Variants in TENM3 observed in about 807,000 individuals in gnomAD.
TENM3 encodes the protein teneurin transmembrane protein 3, also known as teneurin-3.
A neutral mutation model predicts 255.1 loss-of-function variants in TENM3; 63 were observed. The ratio of observed to expected loss-of-function variants is 0.25; its 90% CI spans 0.20 to 0.30. TENM3 has a LOEUF of 0.30. Among genes scored for constraint, TENM3 ranks in the 10% least tolerant of loss-of-function variants. The pLI is 1.00. For missense variants in TENM3, 2,929 were observed against 3,461.1 expected (o/e 0.85, Z 3.86); for synonymous variants, 1,306 against 1,322.3 (o/e 0.99, Z 0.27).
intron 6 of TENM3, among the ~76,000 whole-genome samples, chr4:182,658,466 C>G (rs894968345): frequency 2.0e-5 from 3 of 152,198 alleles, no homozygotes; most frequent in Non-Finnish European, 2.9e-5. Context: ...TGTCTCTCTT[C>G]AGCTCCAGAT....
chr4:181,957,931 C>A, the TENM3 span, among the ~76,000 whole-genome samples: 1 of 152,168 alleles, frequency 6.6e-6, no homozygotes, highest in African/African-American at 2.4e-5. Flanking sequence ...GGAATGCTTA[C>A]AAAATATGTT....
chr4:181,770,572 G>A, the TENM3 span, among the ~76,000 whole-genome samples: 1 of 151,612 alleles, frequency 6.6e-6, no homozygotes, highest in Non-Finnish European at 1.5e-5. Context: ...CTACTTGGGA[G>A]GCTGAGGTAG....
chr4:182,796,805 G>C (rs180947982), intron 27 of TENM3, 38 bp downstream of exon 27: 42 of 1,542,246 alleles, frequency 2.7e-5, no homozygotes, highest in Non-Finnish European at 3.5e-5. Context: ...GTGATAAGTA[G>C]CTTGTGTCTT....
chr4:182,444,971 C>G (rs1772795957), intron 3 of TENM3, among the ~76,000 whole-genome samples: 1 of 152,100 alleles, frequency 6.6e-6, no homozygotes, highest in South Asian at 2.1e-4. Context: ...ACACACCCGG[C>G]TAATTTTTTG....
At chr4:182,059,579 A>G in the TENM3 span, among the ~76,000 whole-genome samples, 2 of 152,066 alleles carry the variant, frequency 1.3e-5, no homozygotes, top group Non-Finnish European at 2.9e-5. Context: ...CTTGAAGACA[A>G]TATTCCCAAT....
the TENM3 span, among the ~76,000 whole-genome samples, chr4:182,135,262 G>A: frequency 3.4e-5 from 5 of 145,012 alleles, no homozygotes; most frequent in East Asian, 1.0e-3. Flanking sequence ...TTTTAGGCAA[G>A]AGGATAGCTT....
chr4:181,927,228 A>G, the TENM3 span, among the ~76,000 whole-genome samples: 1 of 152,226 alleles, frequency 6.6e-6, no homozygotes, highest in African/African-American at 2.4e-5. Flanking sequence ...CATGGAACCC[A>G]GCGGATCCCA....
chr4:181,572,147 A>G, the TENM3 span, among the ~76,000 whole-genome samples: 1 of 151,842 alleles, frequency 6.6e-6, no homozygotes, highest in Non-Finnish European at 1.5e-5. Context: ...AGAAACTTCT[A>G]TCAGTTTTAG....
At chr4:181,783,070 T>G in the TENM3 span, among the ~76,000 whole-genome samples, 1 of 152,204 alleles carries the variant, frequency 6.6e-6, no homozygotes, top group Non-Finnish European at 1.5e-5. Flanking sequence ...ATAAGTGCGA[T>G]GTGGTGCTGA....
At chr4:181,589,457 T>TTA in the TENM3 span, among the ~76,000 whole-genome samples, 1 of 152,178 alleles carries the variant, frequency 6.6e-6, no homozygotes, top group Non-Finnish European at 1.5e-5. Context: ...TAAGGAAGAT[T>TTA]TAAAACAATT....
the TENM3 span, among the ~76,000 whole-genome samples, chr4:182,101,308 A>AGGAAGGAAGGAGGGAGGGG: frequency 1.3e-5 from 1 of 74,738 alleles, no homozygotes; most frequent in Non-Finnish European, 3.0e-5. Context: ...GGAGGGAGGG[A>AGGAAGGAAGGAGGGAGGGG]AAGAAGGAAA....
At chr4:182,684,518 T>A (rs138973724) in intron 11 of TENM3, among the ~76,000 whole-genome samples, 1 of 151,788 alleles carries the variant, frequency 6.6e-6, no homozygotes, top group East Asian at 1.9e-4. Flanking sequence ...TCTGTGCCTC[T>A]GTTTCTTTAT....
chr4:182,622,936 G>GTA (rs1459100060), intron 4 of TENM3, among the ~76,000 whole-genome samples: 3 of 151,954 alleles, frequency 2.0e-5, no homozygotes, highest in Non-Finnish European at 2.9e-5. Context: ...TAGTCCATCA[G>GTA]TATAGTACGT....
At chr4:181,620,943 C>G in the TENM3 span, among the ~76,000 whole-genome samples, 2 of 152,124 alleles carry the variant, frequency 1.3e-5, no homozygotes, top group African/African-American at 4.8e-5. Context: ...GGATGGATGT[C>G]ATACCTGTAA....
At chr4:181,703,116 G>A in the TENM3 span, among the ~76,000 whole-genome samples, 1 of 152,202 alleles carries the variant, frequency 6.6e-6, no homozygotes, top group Non-Finnish European at 1.5e-5. Flanking sequence ...GCTGCTTTCA[G>A]ACCGAAGCAG....
chr4:182,063,792 A>G, the TENM3 span, among the ~76,000 whole-genome samples: 1 of 152,310 alleles, frequency 6.6e-6, no homozygotes, highest in East Asian at 1.9e-4. Flanking sequence ...TTAGAACTAT[A>G]AAAAGAAAAA....
At chr4:182,104,831 T>G in the TENM3 span, among the ~76,000 whole-genome samples, 2 of 152,050 alleles carry the variant, frequency 1.3e-5, no homozygotes, top group South Asian at 4.1e-4. Flanking sequence ...TAATTTTTTG[T>G]TGTTGTAGGT....
At chr4:182,463,315 C>T (rs1384066443) in intron 3 of TENM3, among the ~76,000 whole-genome samples, 1 of 151,996 alleles carries the variant, frequency 6.6e-6, no homozygotes, top group African/African-American at 2.4e-5. Flanking sequence ...TAAGATACCA[C>T]GTAATGAGAA....
rs564762577 is a variant in TENM3 at position 182,295,042 on chromosome 4, T to C, written c.-75-28904T>C. Among the ~76,000 whole-genome samples, 4 of 152,176 alleles carry C rather than the reference T, an allele frequency of 2.6e-5. No individual in the cohort carries two copies. In the East Asian group the frequency reaches 7.7e-4, roughly 29 times the overall value. On this transcript the variant is annotated intron_variant, in intron 1 of 27. Transcript: ENST00000511685. ...TACAGTTTGACATTTTGATAAAGAA[T>C]TGGGATTTTCTGCTCTATTTTGAGT...
Sources: allele counts gnomAD v4.1 joint callset (sites outside exome capture counted in the v4.1 genomes callset), GRCh38; gene constraint gnomAD v4.1.1; transcripts MANE v1.5; gene names NCBI Gene and HGNC (gene_info 2026-07-23, HGNC 2026-07-21).